The following ABCB10 variants were observed in gnomAD, a reference collection of about 807,000 sequenced individuals.
The protein encoded by ABCB10 is ATP binding cassette subfamily B member 10.
Under a neutral mutation model 65.4 loss-of-function variants are expected in ABCB10, and 54 were observed. The observed-to-expected ratio is 0.83, with a 90% CI of 0.66 to 1.04. The LOEUF (loss-of-function observed/expected upper bound fraction) is 1.04. ABCB10 is among the 50% of genes least tolerant of loss of function. ABCB10 has a pLI of 0.00. For synonymous variants in ABCB10, 418 were observed against 406.5 expected (o/e 1.03, Z -0.34); for missense variants, 846 against 976.6 (o/e 0.87, Z 1.78).
At chr1:229,547,733 G>A in intron 2 of ABCB10, 32 bp from the exon 3 acceptor site, 1 of 1,610,066 alleles carries the variant, frequency 6.2e-7, no homozygotes, top group Non-Finnish European at 8.5e-7. Flanking sequence ...GGCTCACCAA[G>A]GGTAAAGACA....
rs1379746327 is a variant in ABCB10 at position 229,542,260 on chromosome 1, C to G, written c.1033G>C (p.Asp345His). 1.2e-6 allele frequency: 2 copies of G among 1,613,884 alleles called. No individual in the cohort carries two copies. Among genetic ancestry groups the G allele is most frequent in the Non-Finnish European group, 1.7e-6 (2 of 1,180,014 alleles). The change falls in exon 4 of 13, where the codon GAT (aspartate) becomes CAT (histidine). Residue 345 changes from aspartate (D) to histidine (H), a missense_variant. Asp to His is a moderately conservative substitution (Grantham distance 81). Around this residue, in one of 2 missense-constraint regions of ABCB10, gnomAD observed 632 missense variants for 803.2 expected, o/e 0.79. Coordinates refer to ENST00000344517, the MANE Select transcript of ABCB10 (RefSeq NM_012089.3). ...ACCTGAGTGGCTTGTGCCAGGGAAT[C>G]CTGAGTGACTTTGGTCAGTTTCCGT... ...YLRKLTKVTQ[D>H]SLAQATQLAE...
chr1:229,553,306 C>T (rs961174319), intron 1 of ABCB10, among the ~76,000 whole-genome samples: 19 of 152,232 alleles, frequency 1.2e-4, no homozygotes, highest in Non-Finnish European at 2.6e-4. Context: ...GATGAGGTTT[C>T]TCCATGTTGG....
At chr1:229,519,622 T>C (rs1662254237) in intron 11 of ABCB10, among the ~76,000 whole-genome samples, 1 of 152,140 alleles carries the variant, frequency 6.6e-6, no homozygotes, top group Non-Finnish European at 1.5e-5. Context: ...ACCCCGTCTC[T>C]ACTAAAAATA....
In ABCB10 at chr1:229,542,236, C is replaced by G. The variant is rs1364814239; in HGVS notation, c.1056+1G>C. The G allele has an allele frequency of 2.5e-6, 4 of 1,613,682 alleles. No individual in the cohort carries two copies. In the East Asian group the frequency reaches 8.9e-5, roughly 36 times the overall value. ...CCACGCGGACAGGAAGGGGCCTTTA[C>G]CTGAGTGGCTTGTGCCAGGGAATCC... On this transcript the variant is annotated splice_donor_variant, in intron 4 of 12. Coordinates refer to ENST00000344517, the MANE Select transcript of ABCB10 (RefSeq NM_012089.3). LOFTEE classifies it high-confidence loss of function.
chr1:229,526,117 C>T lies in ABCB10; in HGVS notation c.1726-1G>A. 1 of 1,607,012 alleles carries T rather than the reference C, an allele frequency of 6.2e-7. No individual in the cohort carries two copies. The highest frequency in any genetic ancestry group is 8.5e-7 in the Non-Finnish European group (1 of 1,177,038). On this transcript the variant is annotated splice_acceptor_variant, in intron 9 of 12. Coordinates refer to ENST00000344517, the MANE Select transcript of ABCB10 (RefSeq NM_012089.3). LOFTEE classifies it high-confidence loss of function. ...TAGAGCAAGAAAACAAAATGGGTTC[C>T]TACAAATTGGAAATAAAACATATCA...
chr1:229,556,951 G>A (rs1273117730), intron 1 of ABCB10, among the ~76,000 whole-genome samples: 1 of 152,120 alleles, frequency 6.6e-6, no homozygotes, highest in Admixed American at 6.5e-5. Context: ...AGAGCTCCTA[G>A]TCTCCAATGT....
chr1:229,525,884 G>C, intron 10 of ABCB10, 52 bp downstream of exon 10: 1 of 1,538,790 alleles, frequency 6.5e-7, no homozygotes, highest in Non-Finnish European at 8.8e-7. Flanking sequence ...AGAAACATGT[G>C]AAAAGTTCTT....
In ABCB10 at chr1:229,518,856, A is replaced by G; in HGVS notation, c.1970T>C (p.Leu657Pro). The change falls in exon 12 of 13, where the codon CTA becomes CCA. Residue 657 changes from leucine (L) to proline (P), a missense_variant. By Grantham distance (98) the Leu-to-Pro change is moderately conservative. Coordinates refer to ENST00000344517, the MANE Select transcript of ABCB10 (RefSeq NM_012089.3). ...ATATCCTCACCTGGTTGCTTCATCT[A>G]GGAGAAGAATTTTGGGATTCTGAAG... ...ALLKNPKILL[L>P]DEATSALDAE... is the part of the protein sequence containing the mutation. 6.2e-7 allele frequency: 1 copy of G among 1,600,138 alleles called. No homozygotes were observed. Among genetic ancestry groups the G allele is most frequent in the East Asian group, 2.2e-5 (1 of 44,676 alleles).
chr1:229,556,820 G>A (rs562639360), intron 1 of ABCB10, among the ~76,000 whole-genome samples: 1 of 152,308 alleles, frequency 6.6e-6, no homozygotes, highest in South Asian at 2.1e-4. Context: ...CTGGTGGTAT[G>A]GTCATTTATT....
chr1:229,534,583 T>A (rs1375511031), intron 6 of ABCB10, among the ~76,000 whole-genome samples: 1 of 150,628 alleles, frequency 6.6e-6, no homozygotes, highest in Non-Finnish European at 1.5e-5. Context: ...AATACAAAAA[T>A]TAGGCCAGGC....
intron 1 of ABCB10, among the ~76,000 whole-genome samples, chr1:229,551,695 T>C (rs1663122041): frequency 6.6e-6 from 1 of 152,222 alleles, no homozygotes; most frequent in African/African-American, 2.4e-5. Flanking sequence ...CAAAGCACCA[T>C]GCTTCTTACA....
chr1:229,546,502 C>T (rs1361969879), intron 3 of ABCB10, among the ~76,000 whole-genome samples: 2 of 152,092 alleles, frequency 1.3e-5, no homozygotes, highest in South Asian at 4.1e-4. Flanking sequence ...TAAAATACCT[C>T]ATTAATAATT....
chr1:229,536,199 AAAG>A (rs1571967435), intron 6 of ABCB10, among the ~76,000 whole-genome samples: 1 of 152,132 alleles, frequency 6.6e-6, no homozygotes, highest in Admixed American at 6.5e-5. Context: ...GGGAAAAAAG[AAAG>A]AAGAAAAAAA....
In ABCB10 at chr1:229,547,389, C is replaced by T; in HGVS notation, c.921+110G>A. The T allele has an allele frequency of 3.9e-6, 5 of 1,275,008 alleles. No individual in the cohort carries two copies. The South Asian group carries it at 5.7e-5, about 14-fold the overall frequency. The allele number at this position is 1,275,008 out of a possible 1,614,324, so 79.0% of individuals were successfully genotyped here. On this transcript the variant is annotated intron_variant, in intron 3 of 12. Coordinates refer to ENST00000344517, the MANE Select transcript of ABCB10 (RefSeq NM_012089.3). ...CTGCAACAGCACTTTTGGCTCTAGG[C>T]ACTTACAGAATGATGCGAACCGCTC...
intron 4 of ABCB10, among the ~76,000 whole-genome samples, chr1:229,541,260 CTT>C (rs935369706): frequency 2.0e-5 from 3 of 152,144 alleles, no homozygotes; most frequent in East Asian, 1.9e-4. Context: ...GAGTTTCACT[CTT>C]GTCACCCAGG....
At chr1:229,518,764 C>A (rs1362336919) in intron 12 of ABCB10, 77 bp downstream of exon 12, 3 of 1,213,716 alleles carry the variant, frequency 2.5e-6, no homozygotes, top group Non-Finnish European at 3.5e-6. Flanking sequence ...CTTTGAGGTA[C>A]AGAATTAAAA....
Position 229,518,875 on chromosome 1 carries a change from T to C in ABCB10, c.1951A>G (p.Asn651Asp). 6.3e-7 allele frequency: 1 copy of C among 1,596,684 alleles called. No individual in the cohort carries two copies. The change falls in exon 12 of 13, where the codon AAT becomes GAT. Residue 651 changes from asparagine (N) to aspartate (D), a missense_variant and splice_region_variant. Around this residue, in one of 2 missense-constraint regions of ABCB10, gnomAD observed 632 missense variants for 803.2 expected, o/e 0.79. Transcript: ENST00000344517. ...RIAIARALLK[N>D]PKILLLDEAT... ...TCATCTAGGAGAAGAATTTTGGGAT[T>C]CTGAAGAAGGAAAAAAAAGGAAAAG... is the stretch of plus-strand genomic sequence containing the variant.
intron 1 of ABCB10, among the ~76,000 whole-genome samples, chr1:229,553,730 C>A (rs897234075): frequency 4.6e-5 from 7 of 151,124 alleles, no homozygotes; most frequent in Non-Finnish European, 7.4e-5. Flanking sequence ...ACGAACTCAA[C>A]CTCAGAACCG....
intron 8 of ABCB10, among the ~76,000 whole-genome samples, chr1:229,529,040 C>T (rs1231806905): frequency 6.6e-6 from 1 of 151,930 alleles, no homozygotes; most frequent in Admixed American, 6.6e-5. Flanking sequence ...GCCTGTAATC[C>T]CAGCACTCTG....
Sources: allele counts gnomAD v4.1 joint callset (sites outside exome capture counted in the v4.1 genomes callset), GRCh38; gene constraint gnomAD v4.1.1; regional missense constraint gnomAD v4.1.1; transcripts MANE v1.5; gene names NCBI Gene and HGNC (gene_info 2026-07-23, HGNC 2026-07-21).